SELENBP1: variants seen among roughly 807,000 people sequenced by gnomAD.
The protein encoded by SELENBP1 is methanethiol oxidase.
SELENBP1 carries 71 observed loss-of-function variants against 61.0 expected under a neutral mutation model. That is an observed-to-expected ratio of 1.16 (90% CI 0.96 to 1.42). The LOEUF (loss-of-function observed/expected upper bound fraction) is 1.42, where lower values mean the gene tolerates loss of function less well. SELENBP1 is among the 40% of genes most tolerant of loss of function. SELENBP1 has a pLI of 0.00. For synonymous variants in SELENBP1, 270 were observed against 238.9 expected, an observed-to-expected ratio of 1.13 and a Z score of -1.20; for missense variants, 561 against 605.0, an observed-to-expected ratio of 0.93 and a Z score of 0.76.
At position 151,369,091 on chromosome 1, in the gene SELENBP1, G is replaced by A. The variant is rs1236611824; in HGVS notation, c.273C>T (p.Arg91=). The A allele has an allele frequency of 3.1e-6, 5 of 1,613,954 alleles. No homozygotes were observed. Among genetic ancestry groups the A allele is most frequent in the East Asian group, 4.5e-5 (2 of 44,896 alleles). ...TGAGACTGGGCAGCACCAGCTTGGT[G>A]CGCGACTTGGTGCTATCACCGAAGC... ...SSCFGDSTKS[R]TKLVLPSLIS... The change falls in exon 4 of 12, where the codon CGC becomes CGT. Residue 91 remains arginine, a synonymous_variant. Coordinates refer to ENST00000368868, the MANE Select transcript of SELENBP1 (RefSeq NM_003944.4).
At position 151,369,458 on chromosome 1, in the gene SELENBP1, G is replaced by C; in HGVS notation, c.158C>G (p.Ser53Cys). 6.2e-7 allele frequency: 1 copy of C among 1,612,508 alleles called. No individual in the cohort carries two copies. The highest frequency in any genetic ancestry group is 8.5e-7 in the Non-Finnish European group (1 of 1,179,402). The change falls in exon 3 of 12, where the codon TCT (serine) becomes TGT (cysteine). Residue 53 changes from serine (S) to cysteine (C), a missense_variant. Ser to Cys is a moderately radical substitution (Grantham distance 112). Coordinates refer to ENST00000368868, the MANE Select transcript of SELENBP1 (RefSeq NM_003944.4). ...CCGCCTAACCTGGCAATACTGGGGA[G>C]ACTTGGGGTCAACATCCACAGTGGC... ...YLATVDVDPK[S>C]PQYCQVIHRL... is the part of the protein sequence containing the mutation.
intron 1 of SELENBP1, among the ~76,000 whole-genome samples, chr1:151,371,085 T>C (rs1652115982): frequency 6.6e-6 from 1 of 152,158 alleles, no homozygotes; most frequent in Non-Finnish European, 1.5e-5. Flanking sequence ...CCAAAGGCCT[T>C]TCATAAAAAT....
intron 1 of SELENBP1, among the ~76,000 whole-genome samples, chr1:151,370,876 G>T (rs1331775136): frequency 6.6e-6 from 1 of 152,180 alleles, no homozygotes; most frequent in African/African-American, 2.4e-5. Context: ...CTGGGGCCTG[G>T]GACTCCCACT....
chr1:151,372,601 G>A, intron 1 of SELENBP1, 37 bp downstream of exon 1: 1 of 1,614,042 alleles, frequency 6.2e-7, no homozygotes, highest in South Asian at 1.1e-5. Flanking sequence ...GGGGCAGACA[G>A]AGCAGGCAAT....
chr1:151,369,400 A>T, intron 3 of SELENBP1, 42 bp downstream of exon 3: 1 of 1,559,126 alleles, frequency 6.4e-7, no homozygotes, highest in Non-Finnish European at 8.8e-7. Context: ...GGATGAGGGC[A>T]GCTATGGTCT....
intron 11 of SELENBP1, 59 bp from the exon 12 acceptor site, chr1:151,364,764 A>C: frequency 6.5e-7 from 1 of 1,530,598 alleles, no homozygotes; most frequent in Non-Finnish European, 8.8e-7. Flanking sequence ...CCTTCCCCTA[A>C]GATTTTAGGG....
Position 151,365,659 on chromosome 1 carries a change from G to T in SELENBP1, c.948C>A (p.Ser316=). 5 of 1,614,204 alleles carry T rather than the reference G, an allele frequency of 3.1e-6. No homozygotes were observed. The highest frequency in any genetic ancestry group is 4.2e-6 in the Non-Finnish European group (5 of 1,180,046). The change falls in exon 9 of 12, where the codon TCC becomes TCA. Residue 316 remains serine (S), a synonymous_variant. Coordinates refer to ENST00000368868, the MANE Select transcript of SELENBP1 (RefSeq NM_003944.4). ...MPGLITDILL[S]LDDRFLYFSN... ...TGAAGTAGAGGAAGCGGTCGTCCAG[G>T]GAGAGCAGGATGTCGGTGATCAGGC...
intron 7 of SELENBP1, 155 bp from the exon 8 acceptor site, chr1:151,366,001 T>C: frequency 2.4e-6 from 2 of 824,206 alleles, no homozygotes; most frequent in Non-Finnish European, 3.8e-6. Flanking sequence ...GCAAGCCCCT[T>C]GAGGCAGGGG....
chr1:151,365,693 AG>A lies in SELENBP1; in HGVS notation c.923-10del, dbSNP rs1651779142. On this transcript the variant is annotated splice_polypyrimidine_tract_variant and intron_variant, in intron 8 of 11. Transcript: ENST00000368868. ...GATGTCGGTGATCAGGCCTGTGGGC[AG>A]GGGGCGAGTAGAGCCTTTAAGGACT... is the stretch of plus-strand genomic sequence containing the variant. The A allele has an allele frequency of 6.2e-7, 1 of 1,614,024 alleles. No individual in the cohort carries two copies. The highest frequency in any genetic ancestry group is 1.3e-5 in the African/African-American group (1 of 74,898).
chr1:151,371,633 G>A (rs1023744062), intron 1 of SELENBP1, among the ~76,000 whole-genome samples: 1 of 152,020 alleles, frequency 6.6e-6, no homozygotes, highest in African/African-American at 2.4e-5. Flanking sequence ...GAAGGAGGTT[G>A]CTGGATACAG....
chr1:151,367,775 C>T (rs1446216764), intron 5 of SELENBP1, among the ~76,000 whole-genome samples: 3 of 152,144 alleles, frequency 2.0e-5, no homozygotes, highest in Non-Finnish European at 2.9e-5. Flanking sequence ...AGGCCTGTAC[C>T]ACCACACCCA....
intron 1 of SELENBP1, among the ~76,000 whole-genome samples, chr1:151,372,113 TG>T (rs1321886361): frequency 6.6e-6 from 1 of 151,816 alleles, no homozygotes; most frequent in Non-Finnish European, 1.5e-5. Context: ...GATTTAGGGG[TG>T]GGGGAGGCAT....
In SELENBP1 at chr1:151,365,046, T is replaced by G. The variant is rs781442857; in HGVS notation, c.1138-2A>C. 2.0e-5 allele frequency: 32 copies of G among 1,604,934 alleles called. No homozygotes were observed. Among genetic ancestry groups the G allele is most frequent in the Non-Finnish European group, 2.4e-5 (28 of 1,175,950 alleles). Reference sequence around the variant, plus strand: ...AGGGCCTCCAGCCACCCGTTTTCCCTTGGGAAAACCAGGGGTCAGAGCCCA... The same window carrying G: ...AGGGCCTCCAGCCACCCGTTTTCCCGTGGGAAAACCAGGGGTCAGAGCCCA... On this transcript the variant is annotated splice_acceptor_variant, in intron 10 of 11. Transcript: ENST00000368868. LOFTEE classifies it high-confidence loss of function.
At chr1:151,372,473 G>T (rs560760993) in intron 1 of SELENBP1, among the ~76,000 whole-genome samples, 165 bp downstream of exon 1, 2 of 152,040 alleles carry the variant, frequency 1.3e-5, no homozygotes, top group African/African-American at 4.8e-5. Context: ...GGGAAATGCA[G>T]TGGGGTGGTG....
intron 1 of SELENBP1, 170 bp from the exon 2 acceptor site, chr1:151,369,939 G>C (rs1172438910): frequency 1.3e-6 from 2 of 1,513,532 alleles, no homozygotes; most frequent in Non-Finnish European, 1.8e-6. Flanking sequence ...GAGCCCTGAG[G>C]AGGGTGAGGT....
chr1:151,367,358 A>AAG (rs1651893118), intron 5 of SELENBP1: 1 of 130,918 alleles, frequency 7.6e-6, no homozygotes, highest in African/African-American at 2.8e-5. Context: ...AAAAAAAAAA[A>AAG]AAGAGAAAAG....
intron 4 of SELENBP1, 63 bp downstream of exon 4, chr1:151,368,941 G>A (rs744459): frequency 0.06 from 91,775 of 1,519,780 alleles, 6,352 homozygotes; most frequent in Admixed American, 0.31. Flanking sequence ...CTTCCTGCCC[G>A]TAGACTACCT....
Position 151,368,228 on chromosome 1 carries a change from G to A in SELENBP1, c.452C>T (p.Ser151Phe), listed in dbSNP as rs1180847682. The stretch of plus-strand genomic sequence containing the variant: ...GCCATTGCCCTTGACGTCTCCCAGG[G>A]AGCTGATCATCACTTCCCCGCTGGC... ...CLASGEVMIS[S>F]LGDVKGNGKG... Residue 151 changes from serine to phenylalanine, a missense_variant, in exon 5 of 12, where the codon TCC becomes TTC. Ser to Phe is a radical substitution (Grantham distance 155). Transcript: ENST00000368868. 2 of 1,614,144 alleles carry A rather than the reference G, an allele frequency of 1.2e-6. No homozygotes were observed. Among genetic ancestry groups the A allele is most frequent in the Non-Finnish European group, 1.7e-6 (2 of 1,180,028 alleles).
chr1:151,364,617 C>G lies in SELENBP1; in HGVS notation c.1345G>C (p.Glu449Gln). ...TGGGCAAGGGCTGGGCCAAGGGGCT[C>G]CTTCCCGAAGTCCACCAGGAAGTTG... is the stretch of plus-strand genomic sequence containing the variant. ...NPNFLVDFGK[E>Q]PLGPALAHEL... Residue 449 changes from glutamate to glutamine, a missense_variant, in exon 12 of 12, where the codon GAG (glutamate) becomes CAG (glutamine). Transcript: ENST00000368868. 1 of 1,613,730 alleles carries G rather than the reference C, an allele frequency of 6.2e-7. No individual in the cohort carries two copies. Among genetic ancestry groups the G allele is most frequent in the Non-Finnish European group, 8.5e-7 (1 of 1,179,814 alleles).
Sources: gnomAD v4.1 joint callset for allele counts (sites outside exome capture counted in the v4.1 genomes callset) on GRCh38, gnomAD v4.1.1 for gene constraint, MANE v1.5 for transcripts, NCBI Gene and HGNC (gene_info 2026-07-23, HGNC 2026-07-21) for gene names.